DNAI3: variants seen among roughly 807,000 people sequenced by gnomAD.
The protein encoded by DNAI3 is dynein axonemal intermediate chain 3.
In DNAI3, 83 loss-of-function variants were observed where a neutral mutation model predicts 115.5. The observed-to-expected ratio is 0.72, with a 90% CI of 0.60 to 0.86. The LOEUF is 0.86. Among genes scored for constraint, DNAI3 ranks in the 40% least tolerant of loss-of-function variants. DNAI3 has a pLI of 0.00. For synonymous variants in DNAI3, 320 were observed against 347.0 expected, an observed-to-expected ratio of 0.92 and a Z score of 0.86; for missense variants, 1,004 against 1,075.8, an observed-to-expected ratio of 0.93 and a Z score of 0.93.
At chr1:85,104,897 T>A (rs184686500) in intron 14 of DNAI3, among the ~76,000 whole-genome samples, 1 of 152,338 alleles carries the variant, frequency 6.6e-6, no homozygotes, top group African/African-American at 2.4e-5. Context: ...TATTCAGTTT[T>A]ATCTAAGAAT....
chr1:85,117,894 T>G, intron 17 of DNAI3, 35 bp downstream of exon 17: 2 of 1,594,828 alleles, frequency 1.3e-6, no homozygotes, highest in South Asian at 2.3e-5. Context: ...AAATTAATAC[T>G]TATTTATACT....
intron 1 of DNAI3, among the ~76,000 whole-genome samples, chr1:85,063,687 TA>T (rs894417772): frequency 1.3e-5 from 2 of 152,136 alleles, no homozygotes; most frequent in South Asian, 4.1e-4. Context: ...TAGGGACCCA[TA>T]AAAAGTCATT....
intron 19 of DNAI3, among the ~76,000 whole-genome samples, chr1:85,126,269 A>G (rs1299256504): frequency 6.6e-6 from 1 of 152,246 alleles, no homozygotes; most frequent in African/African-American, 2.4e-5. Flanking sequence ...AAACTTCAAC[A>G]ACTTAATTGG....
At chr1:85,099,082 C>T (rs1441614248) in intron 13 of DNAI3, among the ~76,000 whole-genome samples, 3 of 152,144 alleles carry the variant, frequency 2.0e-5, no homozygotes, top group Non-Finnish European at 4.4e-5. Flanking sequence ...TGCTGAGAGG[C>T]TGGTGGGTGA....
At chr1:85,101,561 AAAAT>A (rs1655313644) in intron 13 of DNAI3, among the ~76,000 whole-genome samples, 1 of 151,986 alleles carries the variant, frequency 6.6e-6, no homozygotes, top group Admixed American at 6.6e-5. Flanking sequence ...CGTCTCTACT[AAAAT>A]TACAAAAACA....
chr1:85,117,098 T>A (rs1403010975), intron 16 of DNAI3, among the ~76,000 whole-genome samples: 2 of 152,174 alleles, frequency 1.3e-5, no homozygotes. Flanking sequence ...GAGGGTTTTA[T>A]GAGCATATAT....
intron 17 of DNAI3, among the ~76,000 whole-genome samples, chr1:85,118,222 GA>G (rs1319657903): frequency 7.2e-5 from 11 of 152,030 alleles, no homozygotes; most frequent in Non-Finnish European, 1.5e-5. Flanking sequence ...AGAAGAGACA[GA>G]AAAAACTCAC....
rs375302581 is a variant in DNAI3 at position 85,127,012 on chromosome 1, G to GT, written c.2317+301dup. ...TGAGACACGTGTCAGGCAGAGGCTG[G>GT]TTTTGAACTGCACGATGGGAACATC... is the stretch of plus-strand genomic sequence containing the variant. On this transcript the variant is annotated intron_variant, in intron 20 of 22. Transcript: ENST00000294664. Among the ~76,000 whole-genome samples the GT allele has an allele frequency of 2.2e-4, 34 of 152,272 alleles. No individual in the cohort carries two copies. The East Asian group carries it at 6.6e-3, about 29-fold the overall frequency.
At chr1:85,062,569 T>G (rs1487097953) in intron 1 of DNAI3, 83 bp downstream of exon 1, 1 of 152,222 alleles carries the variant, frequency 6.6e-6, no homozygotes, top group African/African-American at 2.4e-5. Context: ...ACACTCGCTG[T>G]GTCAGCAATG....
At chr1:85,124,279 A>G in intron 19 of DNAI3, 28 bp downstream of exon 19, 1 of 1,614,044 alleles carries the variant, frequency 6.2e-7, no homozygotes, top group Non-Finnish European at 8.5e-7. Flanking sequence ...TGGAAGCATG[A>G]GTGTGTGATC....
rs773057089 is a variant in DNAI3 at position 85,094,540 on chromosome 1, T to C, written c.1158T>C (p.Asp386=). Residue 386 remains aspartate, a synonymous_variant, in exon 10 of 23, where the codon GAT becomes GAC. Transcript: ENST00000294664. The part of the protein sequence containing the change: ...PSLILFWSFS[D]PIHPQLMLES... ...TGATTCTTTTCTGGAGCTTCTCTGA[T>C]CCTATACATCCTCAGGTAATTAGGG... The C allele has an allele frequency of 1.9e-6, 3 of 1,614,002 alleles. No homozygotes were observed. Among genetic ancestry groups the C allele is most frequent in the African/African-American group, 2.7e-5 (2 of 74,946 alleles).
chr1:85,091,363 A>G (rs1300949709), intron 8 of DNAI3, among the ~76,000 whole-genome samples: 3 of 152,202 alleles, frequency 2.0e-5, no homozygotes. Flanking sequence ...CTGAATTTCC[A>G]TGCTTATAAA....
intron 16 of DNAI3, among the ~76,000 whole-genome samples, chr1:85,110,471 A>AAATAAATG (rs1408177628): frequency 6.6e-6 from 1 of 150,990 alleles, no homozygotes; most frequent in East Asian, 1.9e-4. Flanking sequence ...ATAAATAAAT[A>AAATAAATG]AATAAATAAA....
At chr1:85,127,284 A>G (rs549974473) in intron 20 of DNAI3, among the ~76,000 whole-genome samples, 116 of 152,360 alleles carry the variant, frequency 7.6e-4, no homozygotes, top group African/African-American at 2.5e-3. Flanking sequence ...AAAAACTACT[A>G]TATAACAAAA....
At chr1:85,126,949 T>G (rs1248887204) in intron 20 of DNAI3, among the ~76,000 whole-genome samples, 4 of 152,048 alleles carry the variant, frequency 2.6e-5, no homozygotes, top group Non-Finnish European at 5.9e-5. Context: ...GGACACAACC[T>G]GAGCTCTTCT....
At chr1:85,086,341 G>A (rs1428077511) in intron 7 of DNAI3, among the ~76,000 whole-genome samples, 1 of 152,172 alleles carries the variant, frequency 6.6e-6, no homozygotes, top group Non-Finnish European at 1.5e-5. Context: ...TCATTGCTCT[G>A]TTCTACTACC....
chr1:85,069,627 C>A (rs1368471523), intron 1 of DNAI3, among the ~76,000 whole-genome samples: 1 of 152,090 alleles, frequency 6.6e-6, no homozygotes, highest in South Asian at 2.1e-4. Context: ...ACCTCGCGAT[C>A]CACCCACCTC....
At chr1:85,095,477 A>G (rs1042037064) in intron 10 of DNAI3, among the ~76,000 whole-genome samples, 1 of 152,140 alleles carries the variant, frequency 6.6e-6, no homozygotes, top group African/African-American at 2.4e-5. Context: ...CCACTCTCTC[A>G]CTAGAGTTTT....
intron 22 of DNAI3, 144 bp from the exon 23 acceptor site, chr1:85,132,711 G>C: frequency 1.1e-6 from 1 of 919,910 alleles, no homozygotes; most frequent in East Asian, 2.9e-5. Flanking sequence ...CTGCCCACCT[G>C]CCCTCCTGCC....
Sources: gnomAD v4.1 joint callset for allele counts (sites outside exome capture counted in the v4.1 genomes callset) on GRCh38, gnomAD v4.1.1 for gene constraint, MANE v1.5 for transcripts, NCBI Gene and HGNC (gene_info 2026-07-23, HGNC 2026-07-21) for gene names.